The following NUBPL variants were observed in gnomAD, a reference collection of about 807,000 sequenced individuals.
NUBPL encodes the protein iron-sulfur cluster transfer protein NUBPL.
Under a neutral mutation model 45.7 loss-of-function variants are expected in NUBPL, and 31 were observed. That is an observed-to-expected ratio of 0.68 (90% CI 0.51 to 0.92). NUBPL has a LOEUF of 0.92. Among genes scored for constraint, NUBPL ranks in the 40% least tolerant of loss-of-function variants. The pLI is 0.00. For missense variants in NUBPL, 401 were observed against 398.7 expected, an observed-to-expected ratio of 1.01 and a Z score of -0.05; for synonymous variants, 144 against 140.9, an observed-to-expected ratio of 1.02 and a Z score of -0.15.
chr14:31,673,519 C>T lies in NUBPL; in HGVS notation c.458C>T (p.Pro153Leu), dbSNP rs758104608. ...GGCTTTCTGGTTGAAGAAAGTGAAC[C>T]AGTAGTTTGGAGAGGCCTTATGGTA... is the stretch of plus-strand genomic sequence containing the variant. ...SMGFLVEESE[P>L]VVWRGLMVMS... The change falls in exon 6 of 11, where the codon CCA becomes CTA. Residue 153 changes from proline to leucine, a missense_variant. By Grantham distance (98) the Pro-to-Leu change is moderately conservative. Transcript: ENST00000281081. The T allele has an allele frequency of 3.1e-6, 5 of 1,613,638 alleles. No homozygotes were observed. In the South Asian group the frequency reaches 3.3e-5, roughly 11 times the overall value.
intron 6 of NUBPL, among the ~76,000 whole-genome samples, chr14:31,767,089 A>G (rs975321404): frequency 2.8e-4 from 42 of 152,222 alleles, no homozygotes; most frequent in Admixed American, 2.7e-3. Context: ...TATATATATC[A>G]GCTTTAATTA....
At chr14:31,713,454 A>G (rs1011750018) in intron 6 of NUBPL, among the ~76,000 whole-genome samples, 1 of 152,050 alleles carries the variant, frequency 6.6e-6, no homozygotes, top group Admixed American at 6.6e-5. Context: ...GCTCCTTCGT[A>G]TCTTTCCCTT....
In NUBPL at chr14:31,807,368, A is replaced by G. The variant is rs12888430; in HGVS notation, c.608-19261A>G. Among the ~76,000 whole-genome samples the G allele has an allele frequency of 4.6e-5, 7 of 152,112 alleles. No homozygotes were observed. In the South Asian group the frequency reaches 6.2e-4, roughly 14 times the overall value. ...GGTTTTGATTTGCATTTCTCTGATG[A>G]CCAGTGATGATGAGCATTTTTTCAT... On this transcript the variant is annotated intron_variant, in intron 7 of 10. Transcript: ENST00000281081.
intron 6 of NUBPL, among the ~76,000 whole-genome samples, chr14:31,742,998 C>T (rs74491723): frequency 2.3e-4 from 35 of 152,298 alleles, no homozygotes; most frequent in African/African-American, 8.4e-4. Context: ...CATTAGAACT[C>T]TCCCACCTCT....
intron 4 of NUBPL, among the ~76,000 whole-genome samples, chr14:31,644,185 T>G (rs192280141): frequency 3.3e-4 from 50 of 152,160 alleles, no homozygotes; most frequent in African/African-American, 1.2e-3. Flanking sequence ...TTCTGTTAAT[T>G]TTGGGTTGGC....
chr14:31,821,161 A>G (rs922789986), intron 7 of NUBPL, among the ~76,000 whole-genome samples: 1 of 152,026 alleles, frequency 6.6e-6, no homozygotes, highest in African/African-American at 2.4e-5. Flanking sequence ...AAATTTAAAA[A>G]TCTGGGCTAT....
intron 3 of NUBPL, among the ~76,000 whole-genome samples, chr14:31,591,111 T>C (rs900391220): frequency 2.0e-5 from 3 of 152,202 alleles, no homozygotes; most frequent in Admixed American, 2.0e-4. Context: ...AGTAAGCAGA[T>C]AAAAAATTTT....
chr14:31,576,565 C>T (rs1330199071), intron 3 of NUBPL, among the ~76,000 whole-genome samples: 1 of 152,152 alleles, frequency 6.6e-6, no homozygotes, highest in Non-Finnish European at 1.5e-5. Context: ...CTACCTTTAT[C>T]TTAGTTAATG....
chr14:31,592,152 T>C (rs1339689396), intron 3 of NUBPL, among the ~76,000 whole-genome samples: 1 of 152,084 alleles, frequency 6.6e-6, no homozygotes, highest in Non-Finnish European at 1.5e-5. Flanking sequence ...GGGAAGAGTA[T>C]CTCAGGGAGA....
At chr14:31,692,171 C>A (rs2037109111) in intron 6 of NUBPL, among the ~76,000 whole-genome samples, 1 of 152,068 alleles carries the variant, frequency 6.6e-6, no homozygotes, top group Admixed American at 6.6e-5. Flanking sequence ...CTTTTATTTT[C>A]TATTTTGACT....
At chr14:31,736,538 C>T (rs1177926404) in intron 6 of NUBPL, among the ~76,000 whole-genome samples, 1 of 152,154 alleles carries the variant, frequency 6.6e-6, no homozygotes, top group African/African-American at 2.4e-5. Flanking sequence ...CATGAATCCT[C>T]AGTGTATTCT....
intron 6 of NUBPL, among the ~76,000 whole-genome samples, chr14:31,692,437 C>T (rs1055985620): frequency 3.3e-5 from 5 of 152,328 alleles, no homozygotes; most frequent in Middle Eastern, 3.4e-3. Flanking sequence ...TCAAAGGCTA[C>T]TGTGATGTCA....
At chr14:31,657,925 G>T (rs1376325895) in intron 4 of NUBPL, among the ~76,000 whole-genome samples, 1 of 152,124 alleles carries the variant, frequency 6.6e-6, no homozygotes, top group Admixed American at 6.5e-5. Context: ...AGAAGAAAAA[G>T]AGTCTTATAC....
chr14:31,805,958 TA>T (rs1417147575), intron 7 of NUBPL, among the ~76,000 whole-genome samples: 1 of 152,194 alleles, frequency 6.6e-6, no homozygotes, highest in Non-Finnish European at 1.5e-5. Flanking sequence ...GCCAGACAGA[TA>T]AAATTCCTTA....
chr14:31,704,260 A>T (rs2037399151), intron 6 of NUBPL, among the ~76,000 whole-genome samples: 1 of 152,166 alleles, frequency 6.6e-6, no homozygotes, highest in Non-Finnish European at 1.5e-5. Flanking sequence ...TGTCCCACTG[A>T]TGGACATTCT....
intron 7 of NUBPL, among the ~76,000 whole-genome samples, chr14:31,822,426 C>T (rs868565009): frequency 4.2e-4 from 64 of 152,094 alleles, no homozygotes; most frequent in Non-Finnish European, 8.8e-4. Flanking sequence ...GCATTATTTT[C>T]TTATAAAATT....
intron 8 of NUBPL, among the ~76,000 whole-genome samples, chr14:31,833,609 G>A (rs2040227517): frequency 6.6e-6 from 1 of 152,110 alleles, no homozygotes; most frequent in South Asian, 2.1e-4. Flanking sequence ...TTTCTTTCTT[G>A]CTCATGTAAC....
intron 7 of NUBPL, among the ~76,000 whole-genome samples, chr14:31,793,631 G>GT (rs1399424149): frequency 1.3e-5 from 2 of 152,244 alleles, no homozygotes; most frequent in Middle Eastern, 3.4e-3. Flanking sequence ...ATGAATGAGT[G>GT]TTTTATCTGT....
At chr14:31,565,135 G>T in intron 3 of NUBPL, 87 bp downstream of exon 3, 4 of 779,330 alleles carry the variant, frequency 5.1e-6, no homozygotes, top group Non-Finnish European at 8.8e-6. Context: ...TATTTACTCT[G>T]TCAGAAGCTA....
Sources: gnomAD v4.1 joint callset for allele counts (sites outside exome capture counted in the v4.1 genomes callset) on GRCh38, gnomAD v4.1.1 for gene constraint, MANE v1.5 for transcripts, NCBI Gene and HGNC (gene_info 2026-07-23, HGNC 2026-07-21) for gene names.